Variants in SLC36A2 observed in about 807,000 individuals in gnomAD.
SLC36A2 encodes solute carrier family 36 member 2, also known as proton-coupled amino acid transporter 2.
Under a neutral mutation model 42.7 loss-of-function variants are expected in SLC36A2, and 39 were observed. That is an observed-to-expected ratio of 0.91 (90% CI 0.71 to 1.19). SLC36A2 has a LOEUF of 1.19. SLC36A2 is among the 50% of genes most tolerant of loss of function. The pLI, the probability that SLC36A2 is intolerant of heterozygous loss-of-function variation, is 0.00. For synonymous variants in SLC36A2, 237 were observed against 240.8 expected, an observed-to-expected ratio of 0.98 and a Z score of 0.15; for missense variants, 590 against 613.7, an observed-to-expected ratio of 0.96 and a Z score of 0.41.
intron 7 of SLC36A2, among the ~76,000 whole-genome samples, chr5:151,328,789 C>T (rs1309277067): frequency 3.9e-5 from 6 of 152,198 alleles, no homozygotes; most frequent in Non-Finnish European, 8.8e-5. Flanking sequence ...AAGATGGTTC[C>T]AGCAGAGTGT....
Position 151,339,039 on chromosome 5 carries a change from GTT to G in SLC36A2, c.525+19_525+20del, listed in dbSNP as rs765167274. 2.2e-5 allele frequency: 35 copies of G among 1,580,408 alleles called. No homozygotes were observed. The highest frequency in any genetic ancestry group is 3.0e-5 in the Non-Finnish European group (34 of 1,152,354). ...GTCCTTGTCCATCTTTTCCCCTCCC[GTT>G]TTCTCTAGAAGCCTCTACCTGTTTT... On this transcript the variant is annotated intron_variant, in intron 5 of 9. Transcript: ENST00000335244.
chr5:151,336,531 G>A (rs187371019), intron 5 of SLC36A2, among the ~76,000 whole-genome samples: 4 of 137,860 alleles, frequency 2.9e-5, no homozygotes, highest in East Asian at 2.1e-4. Flanking sequence ...TAACATATAC[G>A]CTTACTGATT....
Position 151,325,070 on chromosome 5 carries a change from C to G in SLC36A2, c.1010+216G>C, listed in dbSNP as rs577431281. On this transcript the variant is annotated intron_variant, in intron 8 of 9. Coordinates refer to ENST00000335244, the MANE Select transcript of SLC36A2 (RefSeq NM_181776.3). ...TTCTTAAGTCATGTCCTCCTTCACA[C>G]TAAGATGTCAAGGCTTAACTCAATT... The G allele has an allele frequency of 5.1e-5, 32 of 630,678 alleles. 1 individual carries two copies. Among genetic ancestry groups the G allele is most frequent in the African/African-American group, 5.0e-4 (28 of 55,496 alleles). The allele number at this position is 630,678 out of a possible 1,614,324, so 39.1% of individuals were successfully genotyped here. A position where few individuals can be genotyped will look rare whatever the true frequency, so the allele number is the denominator to read the frequency against.
At chr5:151,326,932 C>A (rs1009892566) in intron 7 of SLC36A2, among the ~76,000 whole-genome samples, 4 of 151,762 alleles carry the variant, frequency 2.6e-5, no homozygotes, top group Admixed American at 6.6e-5. Context: ...CCCATCTCAG[C>A]CTCCTGAGGA....
chr5:151,325,778 C>G (rs1055742054), intron 7 of SLC36A2, among the ~76,000 whole-genome samples: 1 of 152,086 alleles, frequency 6.6e-6, no homozygotes, highest in African/African-American at 2.4e-5. Flanking sequence ...AAGCCAGTCA[C>G]AAAAAGACAA....
At chr5:151,322,399 C>T (rs1033040272) in intron 8 of SLC36A2, among the ~76,000 whole-genome samples, 184 bp from the exon 9 acceptor site, 3 of 152,256 alleles carry the variant, frequency 2.0e-5, no homozygotes, top group South Asian at 4.1e-4. Flanking sequence ...GAAAATAGTG[C>T]GGTTCTGGAT....
intron 7 of SLC36A2, among the ~76,000 whole-genome samples, chr5:151,329,831 T>C (rs1366077280): frequency 6.6e-6 from 1 of 152,126 alleles, no homozygotes; most frequent in Non-Finnish European, 1.5e-5. Context: ...TTGAACAACA[T>C]GGGTTTGAAC....
At chr5:151,342,447 C>G (rs1462549562) in intron 4 of SLC36A2, among the ~76,000 whole-genome samples, 1 of 152,190 alleles carries the variant, frequency 6.6e-6, no homozygotes, top group East Asian at 1.9e-4. Flanking sequence ...CTCCCCCAAG[C>G]CAACACACAT....
At chr5:151,345,008 C>T (rs1756453755) in intron 1 of SLC36A2, among the ~76,000 whole-genome samples, 1 of 152,128 alleles carries the variant, frequency 6.6e-6, no homozygotes, top group African/African-American at 2.4e-5. Flanking sequence ...CTGGAGAGTG[C>T]ACACCTCCCC....
chr5:151,336,729 CAG>C (rs1248289983), intron 5 of SLC36A2, among the ~76,000 whole-genome samples: 2 of 141,894 alleles, frequency 1.4e-5, no homozygotes, highest in African/African-American at 2.6e-5. Context: ...CTTGTAAAGT[CAG>C]GGGTAGGTGG....
intron 1 of SLC36A2, 64 bp downstream of exon 1, chr5:151,347,233 G>T: frequency 6.2e-7 from 1 of 1,600,614 alleles, no homozygotes; most frequent in East Asian, 2.2e-5. Flanking sequence ...CCACCTCAGG[G>T]TTTTTGCCAA....
At chr5:151,341,993 G>A (rs1409037023) in intron 4 of SLC36A2, among the ~76,000 whole-genome samples, 3 of 152,144 alleles carry the variant, frequency 2.0e-5, no homozygotes, top group Non-Finnish European at 4.4e-5. Flanking sequence ...ACCTGGCTGG[G>A]TACTGTTAAT....
At chr5:151,328,172 A>C (rs78144642) in intron 7 of SLC36A2, among the ~76,000 whole-genome samples, 12,240 of 152,228 alleles carry the variant, frequency 0.08, 824 homozygotes, top group African/African-American at 0.19. Context: ...CCAAATTCTA[A>C]AAACAAAGTG....
Position 151,343,593 on chromosome 5 carries a change from GC to G in SLC36A2, c.260del (p.Gly87AlafsTer7), listed in dbSNP as rs1561662898. ...LAVKNAGILM[G>X]PLSLLVMGFI... is the part of the protein sequence containing the mutation. ...AGCCCATCACCAGCAGACTGAGTGG[GC>G]CCATCTGGAGGAAGGGGAGGCAAGG... On this transcript the variant is annotated frameshift_variant, in exon 3 of 10. Transcript: ENST00000335244. LOFTEE classifies it high-confidence loss of function. The G allele has an allele frequency of 4.3e-6, 7 of 1,614,100 alleles. No individual in the cohort carries two copies. Among genetic ancestry groups the G allele is most frequent in the Non-Finnish European group, 5.1e-6 (6 of 1,179,970 alleles).
intron 8 of SLC36A2, 52 bp from the exon 9 acceptor site, chr5:151,322,267 G>A: frequency 6.2e-7 from 1 of 1,600,164 alleles, no homozygotes. Context: ...TTCTGACACT[G>A]GCCTCCTTGG....
chr5:151,317,579 A>G (rs1755539477), intron 9 of SLC36A2, among the ~76,000 whole-genome samples: 1 of 152,122 alleles, frequency 6.6e-6, no homozygotes, highest in East Asian at 1.9e-4. Context: ...TTACATATTA[A>G]AAATTCAGCC....
intron 7 of SLC36A2, among the ~76,000 whole-genome samples, chr5:151,326,812 C>CTTT (rs5872202): frequency 0.071 from 10,108 of 142,224 alleles, 1,068 homozygotes; most frequent in African/African-American, 0.22. Flanking sequence ...ATGAATTTAC[C>CTTT]TTTTTTTTTT....
At chr5:151,334,201 T>C (rs1034782135) in intron 6 of SLC36A2, among the ~76,000 whole-genome samples, 10 of 152,232 alleles carry the variant, frequency 6.6e-5, no homozygotes, top group African/African-American at 2.4e-4. Flanking sequence ...TTTATAGAAT[T>C]CATCAGTGTC....
At chr5:151,347,139 C>A (rs774986195) in intron 1 of SLC36A2, among the ~76,000 whole-genome samples, 158 bp downstream of exon 1, 3 of 152,212 alleles carry the variant, frequency 2.0e-5, no homozygotes, top group Non-Finnish European at 2.9e-5. Context: ...GCCTTTACTT[C>A]TGCCTCAGCT....
Sources: allele counts gnomAD v4.1 joint callset (sites outside exome capture counted in the v4.1 genomes callset), GRCh38; gene constraint gnomAD v4.1.1; transcripts MANE v1.5; gene names NCBI Gene and HGNC (gene_info 2026-07-23, HGNC 2026-07-21).